The following SEC11A variants were observed in gnomAD, a reference collection of about 807,000 sequenced individuals.
The protein encoded by SEC11A is signal peptidase complex catalytic subunit SEC11A.
A neutral mutation model predicts 25.6 loss-of-function variants in SEC11A; 14 were observed. The observed-to-expected ratio is 0.55, with a 90% confidence interval of 0.36 to 0.85. The LOEUF (loss-of-function observed/expected upper bound fraction) is 0.85. Ranked by LOEUF, SEC11A falls within the 40% of genes least tolerant of loss-of-function variation. The pLI is 0.01. For missense variants in SEC11A, 153 were observed against 222.9 expected (o/e 0.69, Z 2.00); for synonymous variants, 83 against 76.4 (o/e 1.09, Z -0.45).
chr15:84,701,939 C>G (rs890846279), intron 1 of SEC11A, among the ~76,000 whole-genome samples: 4 of 151,302 alleles, frequency 2.6e-5, no homozygotes, highest in Non-Finnish European at 5.9e-5. Context: ...TGGTGGCGTG[C>G]GGCTGTAGTC....
At chr15:84,703,164 C>T (rs116272040) in intron 1 of SEC11A, among the ~76,000 whole-genome samples, 2 of 152,284 alleles carry the variant, frequency 1.3e-5, no homozygotes, top group Admixed American at 6.5e-5. Flanking sequence ...TGAGTAACAG[C>T]TTTTTGTTTG....
chr15:84,671,658 C>G (rs1896985900), intron 4 of SEC11A: 1 of 152,122 alleles, frequency 6.6e-6, no homozygotes, highest in South Asian at 2.1e-4. Context: ...GTGTGTCTCC[C>G]CTACCAAACT....
intron 1 of SEC11A, among the ~76,000 whole-genome samples, chr15:84,704,428 A>G (rs1380679149): frequency 6.6e-6 from 1 of 151,974 alleles, no homozygotes; most frequent in African/African-American, 2.4e-5. Context: ...TTGTCTCTCA[A>G]CTCCAAATCC....
At chr15:84,694,808 A>G (rs1897712078) in intron 1 of SEC11A, among the ~76,000 whole-genome samples, 1 of 151,862 alleles carries the variant, frequency 6.6e-6, no homozygotes, top group Non-Finnish European at 1.5e-5. Flanking sequence ...AATACAAAAA[A>G]AGGCCGAGTG....
At chr15:84,698,019 A>G (rs1324801964) in intron 1 of SEC11A, among the ~76,000 whole-genome samples, 1 of 152,056 alleles carries the variant, frequency 6.6e-6, no homozygotes, top group East Asian at 1.9e-4. Context: ...TTTTCTTTTT[A>G]GGAAGTATTG....
intron 1 of SEC11A, among the ~76,000 whole-genome samples, chr15:84,693,670 A>G (rs968781377): frequency 2.6e-5 from 4 of 152,070 alleles, no homozygotes; most frequent in Admixed American, 6.6e-5. Context: ...CATGCTGGCC[A>G]GACTGGTCTC....
At chr15:84,678,815 A>T (rs1897208143) in intron 4 of SEC11A, among the ~76,000 whole-genome samples, 1 of 152,088 alleles carries the variant, frequency 6.6e-6, no homozygotes, top group South Asian at 2.1e-4. Context: ...CAACATATCG[A>T]GACCCCATCT....
At position 84,705,508 on chromosome 15, in the gene SEC11A, T is replaced by C. The variant is rs185626316; in HGVS notation, c.51+10517A>G. Among the ~76,000 whole-genome samples the C allele has an allele frequency of 3.3e-5, 5 of 152,170 alleles. No homozygotes were observed. In the East Asian group the frequency reaches 9.7e-4, roughly 29 times the overall value. On this transcript the variant is annotated intron_variant, in intron 1 of 5. Transcript: ENST00000268220. ...ATTCACTAGTCCAGGAATTAAAGGATAGGAATGGGTGTGACTCCTCTCATT... is the reference window on the plus strand; with the variant it reads ...ATTCACTAGTCCAGGAATTAAAGGACAGGAATGGGTGTGACTCCTCTCATT...
chr15:84,673,800 T>G (rs1234931346), intron 4 of SEC11A: 2 of 152,152 alleles, frequency 1.3e-5, no homozygotes, highest in African/African-American at 4.8e-5. Flanking sequence ...TCCCAGCTAC[T>G]CAGGAGGTTG....
intron 4 of SEC11A, among the ~76,000 whole-genome samples, chr15:84,674,219 T>TTA (rs940883534): frequency 3.3e-4 from 49 of 150,218 alleles, no homozygotes; most frequent in Admixed American, 8.6e-4. Flanking sequence ...TTATATATAT[T>TTA]TATATATATA....
chr15:84,701,753 G>C (rs1192439831), intron 1 of SEC11A, among the ~76,000 whole-genome samples: 3 of 152,080 alleles, frequency 2.0e-5, no homozygotes, highest in African/African-American at 7.2e-5. Flanking sequence ...AAGCAAGCTG[G>C]AGTGGTTGCA....
At chr15:84,670,566 G>A in intron 5 of SEC11A, 159 bp downstream of exon 5, 1 of 421,058 alleles carries the variant, frequency 2.4e-6, no homozygotes. Flanking sequence ...TTTTAATAGA[G>A]ACGGGGTTTC....
At chr15:84,683,384 AAAACAAACAAACAAACAAAC>A (rs57035460) in intron 3 of SEC11A, among the ~76,000 whole-genome samples, 8 of 150,660 alleles carry the variant, frequency 5.3e-5, no homozygotes, top group Non-Finnish European at 7.4e-5. Context: ...ATTTGCTGGC[AAAACAAACAAACAAACAAAC>A]AAACAAACAA....
At chr15:84,712,253 A>T (rs1031511502) in intron 1 of SEC11A, among the ~76,000 whole-genome samples, 71 of 151,920 alleles carry the variant, frequency 4.7e-4, no homozygotes, top group African/African-American at 1.7e-3. Context: ...AAAAAAAAAA[A>T]ATTCTAAGAA....
chr15:84,677,214 A>G (rs532706803), intron 4 of SEC11A, among the ~76,000 whole-genome samples: 1 of 152,320 alleles, frequency 6.6e-6, no homozygotes, highest in East Asian at 1.9e-4. Flanking sequence ...TATAAACACA[A>G]TTTCCACAAA....
intron 4 of SEC11A, among the ~76,000 whole-genome samples, chr15:84,679,529 G>C (rs1897229452): frequency 6.6e-6 from 1 of 152,174 alleles, no homozygotes; most frequent in African/African-American, 2.4e-5. Flanking sequence ...CTGCTTACTG[G>C]TGTAATAACT....
At chr15:84,679,005 A>G (rs1421580392) in intron 4 of SEC11A, among the ~76,000 whole-genome samples, 1 of 151,232 alleles carries the variant, frequency 6.6e-6, no homozygotes, top group Admixed American at 6.6e-5. Flanking sequence ...AAAAAAAAAA[A>G]GGCAAAAAAA....
chr15:84,679,553 G>C (rs1474067717), intron 4 of SEC11A, among the ~76,000 whole-genome samples: 1 of 152,208 alleles, frequency 6.6e-6, no homozygotes, highest in Non-Finnish European at 1.5e-5. Flanking sequence ...TATCCATACA[G>C]TCTGTTCTAG....
chr15:84,715,359 A>G (rs1221785916), intron 1 of SEC11A, among the ~76,000 whole-genome samples: 1 of 152,222 alleles, frequency 6.6e-6, no homozygotes, highest in Non-Finnish European at 1.5e-5. Context: ...AGATCAAAGT[A>G]AAGTGTAAGG....
Sources: gnomAD v4.1 joint callset for allele counts (sites outside exome capture counted in the v4.1 genomes callset) on GRCh38, gnomAD v4.1.1 for gene constraint, MANE v1.5 for transcripts, NCBI Gene and HGNC (gene_info 2026-07-23, HGNC 2026-07-21) for gene names.